Variants in NAA50 observed in about 807,000 individuals in gnomAD.
NAA50 encodes the protein N-alpha-acetyltransferase 50.
In NAA50, 7 loss-of-function variants were observed where a neutral mutation model predicts 20.7. That is an observed-to-expected ratio of 0.34 (90% CI 0.19 to 0.63). The LOEUF is 0.63. NAA50 is among the 30% of genes least tolerant of loss of function. The pLI is 0.75. For synonymous variants in NAA50, 54 were observed against 70.6 expected (o/e 0.77, Z 1.18); for missense variants, 111 against 199.1 (o/e 0.56, Z 2.66).
At chr3:113,722,050 T>A in intron 4 of NAA50, 113 bp from the exon 5 acceptor site, 2 of 967,356 alleles carry the variant, frequency 2.1e-6, no homozygotes, top group Non-Finnish European at 3.0e-6. Flanking sequence ...CAACTACCAG[T>A]AATCAACAAG....
In NAA50 at chr3:113,721,428, G is replaced by A. The variant is rs1708134316; in HGVS notation, c.*332C>T. The A allele has an allele frequency of 3.4e-6, 1 of 291,950 alleles. No homozygotes were observed. The allele number at this position is 291,950 out of a possible 1,614,324, so 18.1% of individuals were successfully genotyped here. On this transcript the variant is annotated 3_prime_UTR_variant, in exon 5 of 5. Transcript: ENST00000240922. Reference sequence around the variant, plus strand: ...AAATATACAATGTTTTGTAGGCTCTGCCCTTCAATGTGAAAGCAGGACATT... The same window carrying A: ...AAATATACAATGTTTTGTAGGCTCTACCCTTCAATGTGAAAGCAGGACATT...
chr3:113,721,689 G>A lies in NAA50; in HGVS notation c.*71C>T, dbSNP rs146114785. 1.0e-5 allele frequency: 15 copies of A among 1,496,000 alleles called. No individual in the cohort carries two copies. Among genetic ancestry groups the A allele is most frequent in the Admixed American group, 1.7e-5 (1 of 57,330 alleles). 92.7% of individuals were successfully genotyped at this position (1,496,000 alleles called of 1,614,324 possible). Reference sequence around the variant, plus strand: ...AGCTTTAAAAGAAAAGTGTTGGGGTGGGGGAGGAATCAATGGGCCTCTCTT... The same window carrying A: ...AGCTTTAAAAGAAAAGTGTTGGGGTAGGGGAGGAATCAATGGGCCTCTCTT... On this transcript the variant is annotated 3_prime_UTR_variant, in exon 5 of 5. Coordinates refer to ENST00000240922, the MANE Select transcript of NAA50 (RefSeq NM_025146.4).
intron 1 of NAA50, among the ~76,000 whole-genome samples, chr3:113,743,385 C>T (rs1483876841): frequency 2.0e-5 from 3 of 152,188 alleles, no homozygotes; most frequent in African/African-American, 7.2e-5. Flanking sequence ...ACAAAAGCCA[C>T]ATAACCAGGA....
At chr3:113,742,671 C>A (rs1412150290) in intron 1 of NAA50, among the ~76,000 whole-genome samples, 1 of 152,126 alleles carries the variant, frequency 6.6e-6, no homozygotes, top group East Asian at 1.9e-4. Context: ...TTTCTGACTG[C>A]AGAATCTTAC....
At chr3:113,736,031 C>T (rs1212848342) in intron 1 of NAA50, among the ~76,000 whole-genome samples, 5 of 152,052 alleles carry the variant, frequency 3.3e-5, no homozygotes, top group Admixed American at 1.3e-4. Flanking sequence ...ACATTAAGTT[C>T]GATGCTAATA....
intron 1 of NAA50, among the ~76,000 whole-genome samples, chr3:113,727,748 T>C (rs1708217293): frequency 6.6e-6 from 1 of 152,152 alleles, no homozygotes; most frequent in African/African-American, 2.4e-5. Flanking sequence ...GCGCGTTATA[T>C]ATATGTATAT....
intron 1 of NAA50, among the ~76,000 whole-genome samples, chr3:113,727,201 T>G (rs930694217): frequency 2.0e-5 from 3 of 152,252 alleles, no homozygotes; most frequent in Admixed American, 2.0e-4. Context: ...GTAATTTTTT[T>G]ATATACAGTT....
In NAA50 at chr3:113,718,249, G is replaced by A. The variant is rs1708087032; in HGVS notation, c.*3511C>T. 1.3e-5 allele frequency: 2 copies of A among 152,198 alleles called. No homozygotes were observed. The highest frequency in any genetic ancestry group is 1.9e-4 in the East Asian group (1 of 5,192). 9.4% of individuals were successfully genotyped at this position (152,198 alleles called of 1,614,324 possible). ...GAACAGAAGCCCAAGAGCCACGTAA[G>A]CAAGACATCTTGGAAATGGCTCCTC... On this transcript the variant is annotated 3_prime_UTR_variant, in exon 5 of 5. Coordinates refer to ENST00000240922, the MANE Select transcript of NAA50 (RefSeq NM_025146.4).
intron 4 of NAA50, 22 bp from the exon 5 acceptor site, chr3:113,721,959 G>GA (rs1455939953): frequency 8.8e-6 from 14 of 1,584,982 alleles, no homozygotes; most frequent in Admixed American, 5.7e-5. Context: ...GAGAGTATCA[G>GA]AAAAAAAATT....
At chr3:113,734,713 G>C (rs1460107118) in intron 1 of NAA50, among the ~76,000 whole-genome samples, 1 of 152,186 alleles carries the variant, frequency 6.6e-6, no homozygotes, top group African/African-American at 2.4e-5. Context: ...AATTGAATGA[G>C]AGCTGAATGA....
At chr3:113,734,634 A>G (rs1252300707) in intron 1 of NAA50, among the ~76,000 whole-genome samples, 6 of 152,200 alleles carry the variant, frequency 3.9e-5, no homozygotes, top group Non-Finnish European at 8.8e-5. Context: ...AGGAGGCAAG[A>G]CCTTCAAACA....
Position 113,746,211 on chromosome 3 carries a change from C to A in NAA50, c.-262G>T. ...CGGGTCTCTCGGCTCCCTCCCGCCG[C>A]TGCCGCCAGCCAGACCCGCTGCCGC... On this transcript the variant is annotated 5_prime_UTR_variant, in exon 1 of 5. Coordinates refer to ENST00000240922, the MANE Select transcript of NAA50 (RefSeq NM_025146.4). 1 of 498,594 alleles carries A rather than the reference C, an allele frequency of 2.0e-6. No homozygotes were observed. Among genetic ancestry groups the A allele is most frequent in the East Asian group, 3.7e-5 (1 of 27,180 alleles). 30.9% of individuals were successfully genotyped at this position (498,594 alleles called of 1,614,324 possible).
At chr3:113,723,594 A>C in intron 2 of NAA50, 53 bp from the exon 3 acceptor site, 4 of 1,532,982 alleles carry the variant, frequency 2.6e-6, no homozygotes, top group South Asian at 1.2e-5. Context: ...TAACACATTT[A>C]ATCTTTTTCC....
At chr3:113,736,156 G>T (rs1708338637) in intron 1 of NAA50, among the ~76,000 whole-genome samples, 1 of 152,188 alleles carries the variant, frequency 6.6e-6, no homozygotes. Context: ...GTAGAAAATT[G>T]AAGACAGTTG....
chr3:113,729,456 C>T (rs530484643), intron 1 of NAA50, among the ~76,000 whole-genome samples: 7 of 152,166 alleles, frequency 4.6e-5, no homozygotes, highest in South Asian at 4.1e-4. Context: ...GATAATTTGA[C>T]GCTTTTATCA....
chr3:113,721,612 C>T lies in NAA50; in HGVS notation c.*148G>A, dbSNP rs1026761932. Reference sequence around the variant, plus strand: ...TTTAAAGTCCTTGAAAGTATTAAAACTCTCAGAGAAAAGGAAAGGAAGAAA... The same window carrying T: ...TTTAAAGTCCTTGAAAGTATTAAAATTCTCAGAGAAAAGGAAAGGAAGAAA... On this transcript the variant is annotated 3_prime_UTR_variant, in exon 5 of 5. Coordinates refer to ENST00000240922, the MANE Select transcript of NAA50 (RefSeq NM_025146.4). The T allele has an allele frequency of 6.4e-6, 5 of 783,158 alleles. No individual in the cohort carries two copies. Among genetic ancestry groups the T allele is most frequent in the Non-Finnish European group, 1.0e-5 (5 of 487,176 alleles). 48.5% of individuals were successfully genotyped at this position (783,158 alleles called of 1,614,324 possible). A position where few individuals can be genotyped will look rare whatever the true frequency, so the allele number is the denominator to read the frequency against.
intron 1 of NAA50, among the ~76,000 whole-genome samples, chr3:113,744,405 A>G (rs1347603080): frequency 6.6e-6 from 1 of 151,972 alleles, no homozygotes; most frequent in African/African-American, 2.4e-5. Flanking sequence ...CAAAGGTTGC[A>G]GTGGGCCGAG....
chr3:113,723,028 GTATC>G, intron 3 of NAA50, 56 bp from the exon 4 acceptor site: 1 of 1,464,486 alleles, frequency 6.8e-7, no homozygotes, highest in Non-Finnish European at 9.1e-7. Flanking sequence ...TTTAAATTAT[GTATC>G]TATCCACTTG....
At chr3:113,722,264 A>C (rs1708144867) in intron 4 of NAA50, among the ~76,000 whole-genome samples, 1 of 152,128 alleles carries the variant, frequency 6.6e-6, no homozygotes, top group South Asian at 2.1e-4. Context: ...CAGAAAAAAA[A>C]TGATGAAAAA....
Sources: allele counts gnomAD v4.1 joint callset (sites outside exome capture counted in the v4.1 genomes callset), GRCh38; gene constraint gnomAD v4.1.1; transcripts MANE v1.5; gene names NCBI Gene and HGNC (gene_info 2026-07-23, HGNC 2026-07-21).